Variants in SRGAP2C observed in about 807,000 individuals in gnomAD.
SRGAP2C encodes the protein SLIT-ROBO Rho GTPase-activating protein 2C.
Under a neutral mutation model 25.1 loss-of-function variants are expected in SRGAP2C, and 15 were observed. The observed-to-expected ratio is 0.60, with a 90% CI of 0.40 to 0.92. The LOEUF (loss-of-function observed/expected upper bound fraction) is 0.92. SRGAP2C is among the 40% of genes least tolerant of loss of function. SRGAP2C has a pLI of 0.00. For synonymous variants in SRGAP2C, 44 were observed against 96.6 expected, an observed-to-expected ratio of 0.46 and a Z score of 3.19; for missense variants, 144 against 264.4, an observed-to-expected ratio of 0.54 and a Z score of 3.16.
intron 2 of SRGAP2C, among the ~76,000 whole-genome samples, chr1:121,232,801 C>T (rs587739186): frequency 9.9e-5 from 15 of 151,712 alleles, no homozygotes; most frequent in African/African-American, 3.4e-4. Context: ...GGTTTGGTGA[C>T]AAAATTTATT....
chr1:121,292,617 G>T (rs1553337813), intron 3 of SRGAP2C, among the ~76,000 whole-genome samples: 1 of 77,476 alleles, frequency 1.3e-5, no homozygotes, highest in South Asian at 3.2e-4. Flanking sequence ...ATTCCATCCC[G>T]AGAGTGTTAT....
intron 4 of SRGAP2C, among the ~76,000 whole-genome samples, chr1:121,336,728 A>G (rs1488708792): frequency 1.2e-5 from 1 of 86,118 alleles, no homozygotes; most frequent in Non-Finnish European, 2.5e-5. Flanking sequence ...GTCTCATCTA[A>G]TACCCAGGCC....
At chr1:121,274,008 G>A (rs1570755442) in intron 2 of SRGAP2C, among the ~76,000 whole-genome samples, 1 of 151,074 alleles carries the variant, frequency 6.6e-6, no homozygotes, top group African/African-American at 2.4e-5. Context: ...GTGTTCATCT[G>A]GGGTGATGCA....
rs1660073165 is a variant in SRGAP2C at position 121,391,259 on chromosome 1, C to T, written c.*3404C>T. ...GCCTCATTCACGTACATGGGAGAGT[C>T]TACAAAGTCACACGTATTCATAGGT... On this transcript the variant is annotated 3_prime_UTR_variant, in exon 10 of 10. Transcript: ENST00000367123. 1 of 151,632 alleles carries T rather than the reference C, an allele frequency of 6.6e-6. No individual in the cohort carries two copies. Among genetic ancestry groups the T allele is most frequent in the South Asian group, 2.1e-4 (1 of 4,808 alleles). The allele number at this position is 151,632 out of a possible 1,614,324, so 9.4% of individuals were successfully genotyped here. A position where few individuals can be genotyped will look rare whatever the true frequency, so the allele number is the denominator to read the frequency against.
chr1:121,336,282 G>A (rs1658513378), intron 4 of SRGAP2C, among the ~76,000 whole-genome samples: 1 of 149,004 alleles, frequency 6.7e-6, no homozygotes, highest in African/African-American at 2.5e-5. Flanking sequence ...AGGCTATTAT[G>A]TATGTTATAA....
rs1654712021 is a variant in SRGAP2C, at chr1:121,192,395, A to G, written c.67+4882A>G. ...CAGGGGAAAAAACAACAACAAAAAA[A>G]GCTACTCTGCAGCAGTAAGGTGAAC... On this transcript the variant is annotated intron_variant, in intron 2 of 9. Coordinates refer to ENST00000367123, the MANE Select transcript of SRGAP2C (RefSeq NM_001329984.2). Among the ~76,000 whole-genome samples, 3 of 152,218 alleles carry G rather than the reference A, an allele frequency of 2.0e-5. No homozygotes were observed. The South Asian group carries it at 6.2e-4, about 32-fold the overall frequency.
rs1271471148 is a variant in SRGAP2C, at chr1:121,218,749, A to AG, written c.67+31241dup. Among the ~76,000 whole-genome samples, 272 of 151,980 alleles carry AG rather than the reference A, an allele frequency of 1.8e-3. 1 individual carries two copies. Among genetic ancestry groups the AG allele is most frequent in the African/African-American group, 6.0e-3 (249 of 41,374 alleles). On this transcript the variant is annotated intron_variant, in intron 2 of 9. Transcript: ENST00000367123. ...GCGACAGAGTGAGACCCTGTCTCAGAGGGGGAAAAAAAAAGTGAATGTACA... is the reference window on the plus strand; with the variant it reads ...GCGACAGAGTGAGACCCTGTCTCAGAGGGGGGAAAAAAAAAGTGAATGTACA...
At chr1:121,287,657 G>T (rs1657400225) in intron 3 of SRGAP2C, among the ~76,000 whole-genome samples, 1 of 152,212 alleles carries the variant, frequency 6.6e-6, no homozygotes, top group African/African-American at 2.4e-5. Flanking sequence ...CGGAATTGGT[G>T]GGTACTTGGT....
chr1:121,323,981 A>G (rs1472021475), intron 3 of SRGAP2C, among the ~76,000 whole-genome samples: 2 of 152,184 alleles, frequency 1.3e-5, no homozygotes, highest in Non-Finnish European at 2.9e-5. Flanking sequence ...AAAATGATGG[A>G]CTTCAGAATC....
At chr1:121,336,521 C>G (rs1658519458) in intron 4 of SRGAP2C, among the ~76,000 whole-genome samples, 1 of 110,714 alleles carries the variant, frequency 9.0e-6, no homozygotes, top group African/African-American at 3.4e-5. Flanking sequence ...TTCTCCCTCT[C>G]CTTGTTTCCT....
intron 2 of SRGAP2C, among the ~76,000 whole-genome samples, chr1:121,195,667 G>T (rs1306434493): frequency 7.0e-6 from 1 of 142,628 alleles, no homozygotes; most frequent in African/African-American, 2.6e-5. Flanking sequence ...CTATTGTTTC[G>T]ACCACATTTC....
chr1:121,295,593 A>G (rs1329518903), intron 3 of SRGAP2C, among the ~76,000 whole-genome samples: 2 of 152,112 alleles, frequency 1.3e-5, no homozygotes, highest in African/African-American at 4.8e-5. Context: ...AAGAATCTAC[A>G]GGAATTGCTG....
At chr1:121,322,918 G>C (rs1221684824) in intron 3 of SRGAP2C, among the ~76,000 whole-genome samples, 1 of 152,186 alleles carries the variant, frequency 6.6e-6, no homozygotes, top group Non-Finnish European at 1.5e-5. Context: ...TGACTGGAGC[G>C]GGGAAGAGAG....
At position 121,390,996 on chromosome 1, in the gene SRGAP2C, G is replaced by A. The variant is rs1393890016; in HGVS notation, c.*3141G>A. ...GCATAGGTTGTAGTGAGCCAAGGTC[G>A]TGTCACTGCACTCCAGCCTGGGTGA... On this transcript the variant is annotated 3_prime_UTR_variant, in exon 10 of 10. Coordinates refer to ENST00000367123, the MANE Select transcript of SRGAP2C (RefSeq NM_001329984.2). 9.8e-6 allele frequency: 1 copy of A among 101,796 alleles called. No homozygotes were observed. The highest frequency in any genetic ancestry group is 2.1e-5 in the Non-Finnish European group (1 of 48,522). 6.3% of individuals were successfully genotyped at this position (101,796 alleles called of 1,614,324 possible).
intron 3 of SRGAP2C, among the ~76,000 whole-genome samples, chr1:121,295,683 AT>A (rs1469463323): frequency 6.6e-6 from 1 of 152,034 alleles, no homozygotes; most frequent in Non-Finnish European, 1.5e-5. Flanking sequence ...GACTTGGGTG[AT>A]TGATAAATTA....
intron 5 of SRGAP2C, among the ~76,000 whole-genome samples, chr1:121,368,049 C>G (rs1453003445): frequency 9.6e-6 from 1 of 104,184 alleles, no homozygotes; most frequent in African/African-American, 3.8e-5. Context: ...GCACTCCAGC[C>G]TGGGCAACAG....
intron 2 of SRGAP2C, among the ~76,000 whole-genome samples, chr1:121,212,223 C>T (rs1308352010): frequency 5.2e-5 from 6 of 114,568 alleles, no homozygotes; most frequent in Non-Finnish European, 1.1e-4. Flanking sequence ...CTCCACCTCC[C>T]GGGTTCAAGC....
chr1:121,285,378 T>C (rs1270083692), intron 3 of SRGAP2C, among the ~76,000 whole-genome samples: 1 of 123,354 alleles, frequency 8.1e-6, no homozygotes, highest in Admixed American at 8.5e-5. Context: ...ACTCAGGGTC[T>C]ATCTTAATCT....
intron 2 of SRGAP2C, among the ~76,000 whole-genome samples, chr1:121,222,191 T>A (rs1163951904): frequency 6.6e-6 from 1 of 152,220 alleles, no homozygotes; most frequent in Non-Finnish European, 1.5e-5. Context: ...TTAAGATATG[T>A]GCTCATGGTC....
Sources: allele counts gnomAD v4.1 joint callset (sites outside exome capture counted in the v4.1 genomes callset), GRCh38; gene constraint gnomAD v4.1.1; transcripts MANE v1.5; gene names NCBI Gene and HGNC (gene_info 2026-07-23, HGNC 2026-07-21).